Variants in ANKS3 observed in about 807,000 individuals in gnomAD.
ANKS3 encodes ankyrin repeat and sterile alpha motif domain containing 3, also known as ankyrin repeat and SAM domain-containing protein 3.
A neutral mutation model predicts 80.7 loss-of-function variants in ANKS3; 62 were observed. The observed-to-expected ratio is 0.77, with a 90% CI of 0.63 to 0.95. The LOEUF is 0.95. Among genes scored for constraint, ANKS3 ranks in the 40% least tolerant of loss-of-function variants. ANKS3 has a pLI of 0.00. For missense variants in ANKS3, 1,150 were observed against 883.6 expected (o/e 1.30, Z -3.82); for synonymous variants, 489 against 355.3 (o/e 1.38, Z -4.23).
intron 15 of ANKS3, 127 bp from the exon 16 acceptor site, chr16:4,697,543 C>G (rs11646106): frequency 2.1e-5 from 16 of 748,284 alleles, no homozygotes; most frequent in Non-Finnish European, 3.3e-5. Flanking sequence ...CTGACAGTGT[C>G]TAAGCAACCT....
chr16:4,718,481 A>G (rs547542269), intron 6 of ANKS3, among the ~76,000 whole-genome samples: 1 of 152,318 alleles, frequency 6.6e-6, no homozygotes, highest in South Asian at 2.1e-4. Context: ...AATGGGGGAC[A>G]AGGAAAGCAG....
intron 13 of ANKS3, 70 bp from the exon 14 acceptor site, chr16:4,698,669 T>C (rs1262088271): frequency 1.3e-6 from 2 of 1,527,302 alleles, no homozygotes; most frequent in Non-Finnish European, 1.8e-6. Context: ...GCCACGGCCC[T>C]GTCCTGTGTG....
At chr16:4,721,613 TATTG>T (rs1253313151) in intron 6 of ANKS3, among the ~76,000 whole-genome samples, 1 of 86,728 alleles carries the variant, frequency 1.2e-5, no homozygotes, top group African/African-American at 3.0e-5. Flanking sequence ...CCCATCTCTT[TATTG>T]ATTTATTGAT....
intron 11 of ANKS3, chr16:4,700,768 G>C (rs778804946): frequency 1.3e-5 from 10 of 794,748 alleles, no homozygotes; most frequent in South Asian, 1.1e-4. Flanking sequence ...TTTCCGTGGA[G>C]AGGAACAGAG....
chr16:4,706,884 C>T (rs1211054452), intron 7 of ANKS3, among the ~76,000 whole-genome samples: 2 of 152,148 alleles, frequency 1.3e-5, no homozygotes, highest in Non-Finnish European at 2.9e-5. Context: ...AGGAGCTGCT[C>T]GCTCAGGTGC....
At chr16:4,725,471 G>A (rs1455382562) in intron 5 of ANKS3, among the ~76,000 whole-genome samples, 3 of 152,134 alleles carry the variant, frequency 2.0e-5, no homozygotes, top group African/African-American at 7.2e-5. Flanking sequence ...ATCAACAGGC[G>A]AGTTGAATGT....
In ANKS3 at chr16:4,697,043, C is replaced by A. The variant is rs1313618722; in HGVS notation, c.1956G>T (p.Lys652Asn). 7 of 1,613,858 alleles carry A rather than the reference C, an allele frequency of 4.3e-6. No homozygotes were observed. Among genetic ancestry groups the A allele is most frequent in the Non-Finnish European group, 5.9e-6 (7 of 1,179,974 alleles). Residue 652 changes from lysine to asparagine, a missense_variant, in exon 17 of 18, where the codon AAG (lysine) becomes AAT (asparagine). Transcript: ENST00000304283. The part of the protein sequence containing the change: ...LEKLQVLNGK[K>N]WRET ...GGCCCGCAGGCTAGGTCTCCCGCCA[C>A]TTCTTCCCGTTCAGCACCTGCAGCT...
At chr16:4,726,902 C>A in intron 4 of ANKS3, 77 bp downstream of exon 4, 1 of 1,605,476 alleles carries the variant, frequency 6.2e-7, no homozygotes, top group Non-Finnish European at 8.5e-7. Flanking sequence ...ACACCGTGGC[C>A]TGCAGTGGTT....
At chr16:4,716,435 G>A (rs1028564960) in intron 6 of ANKS3, among the ~76,000 whole-genome samples, 2 of 150,140 alleles carry the variant, frequency 1.3e-5, no homozygotes, top group East Asian at 2.0e-4. Context: ...TGTCTCTCCC[G>A]TTAGACCAGG....
chr16:4,726,429 A>G (rs1214457603), intron 5 of ANKS3, among the ~76,000 whole-genome samples: 1 of 152,252 alleles, frequency 6.6e-6, no homozygotes, highest in Non-Finnish European at 1.5e-5. Context: ...TGTATGACCC[A>G]GGTGGGTTTC....
At chr16:4,722,432 T>C (rs2081151050) in intron 6 of ANKS3, among the ~76,000 whole-genome samples, 1 of 151,688 alleles carries the variant, frequency 6.6e-6, no homozygotes, top group Non-Finnish European at 1.5e-5. Context: ...TACAAAAAAT[T>C]AGCCGGGATT....
chr16:4,701,912 C>G (rs987783005), intron 9 of ANKS3, 190 bp downstream of exon 9: 2 of 701,990 alleles, frequency 2.8e-6, no homozygotes, highest in African/African-American at 3.7e-5. Context: ...TCCCTTAAGC[C>G]GCACGGGGAT....
chr16:4,713,025 T>C (rs540335955), intron 7 of ANKS3, among the ~76,000 whole-genome samples: 1 of 152,250 alleles, frequency 6.6e-6, no homozygotes, highest in East Asian at 1.9e-4. Flanking sequence ...ATCCCAGCAC[T>C]TTGGGAGGCT....
intron 5 of ANKS3, chr16:4,725,209 C>A (rs2081292155): frequency 5.9e-6 from 1 of 170,464 alleles, no homozygotes; most frequent in South Asian, 1.7e-4. Flanking sequence ...AGTTCAACGT[C>A]CTCCATGAAC....
intron 3 of ANKS3, among the ~76,000 whole-genome samples, chr16:4,728,742 C>A (rs1303196902): frequency 6.6e-6 from 1 of 152,180 alleles, no homozygotes; most frequent in African/African-American, 2.4e-5. Context: ...GTTATGGACT[C>A]TGCATCTTAA....
chr16:4,706,386 C>G (rs1395448977), intron 7 of ANKS3, among the ~76,000 whole-genome samples: 2 of 152,062 alleles, frequency 1.3e-5, no homozygotes, highest in African/African-American at 2.4e-5. Context: ...ACCCGGCCAC[C>G]ATGCCCAGCT....
chr16:4,713,990 G>A, intron 7 of ANKS3, 61 bp downstream of exon 7: 1 of 1,582,394 alleles, frequency 6.3e-7, no homozygotes, highest in Non-Finnish European at 8.6e-7. Context: ...TCTCTGCCAG[G>A]TCACCTAAAG....
At chr16:4,705,568 G>A (rs927131490) in intron 7 of ANKS3, among the ~76,000 whole-genome samples, 3 of 151,550 alleles carry the variant, frequency 2.0e-5, no homozygotes, top group Admixed American at 1.3e-4. Flanking sequence ...GGGTTCTAGC[G>A]ATTCTCACGC....
intron 16 of ANKS3, 64 bp downstream of exon 16, chr16:4,697,269 G>A: frequency 9.0e-6 from 14 of 1,553,768 alleles, no homozygotes; most frequent in South Asian, 2.3e-5. Context: ...TCCCTGGAAA[G>A]GGGTCCCTTT....
Sources: allele counts gnomAD v4.1 joint callset (sites outside exome capture counted in the v4.1 genomes callset), GRCh38; gene constraint gnomAD v4.1.1; transcripts MANE v1.5; gene names NCBI Gene and HGNC (gene_info 2026-07-23, HGNC 2026-07-21).